Variants in RANBP2 observed in about 807,000 individuals in gnomAD.
RANBP2 encodes RAN binding protein 2.
RANBP2 carries 57 observed loss-of-function variants against 303.6 expected under a neutral mutation model. The ratio of observed to expected loss-of-function variants is 0.19; its 90% CI spans 0.15 to 0.23. The LOEUF is 0.23. Among genes scored for constraint, RANBP2 ranks in the 10% least tolerant of loss-of-function variants. RANBP2 has a pLI of 1.00. For missense variants in RANBP2, 3,138 were observed against 3,780.8 expected (o/e 0.83, Z 4.46); for synonymous variants, 1,167 against 1,301.5 (o/e 0.90, Z 2.23).
At chr2:109,108,249 T>A in the RANBP2 span, among the ~76,000 whole-genome samples, 1 of 151,678 alleles carries the variant, frequency 6.6e-6, no homozygotes, top group Non-Finnish European at 1.5e-5. Context: ...CCATGTTGGC[T>A]AGGATGGTTT....
chr2:109,564,263 T>C, the RANBP2 span: 7 of 1,061,720 alleles, frequency 6.6e-6, no homozygotes, highest in Non-Finnish European at 8.9e-6. Context: ...ATCATGGTTT[T>C]GGGAGATTCT....
the RANBP2 span, among the ~76,000 whole-genome samples, chr2:109,249,431 C>T: frequency 6.6e-6 from 1 of 152,106 alleles, no homozygotes; most frequent in Non-Finnish European, 1.5e-5. Context: ...AGGAACCCTT[C>T]CCTCCTGCAC....
At chr2:109,477,453 A>T in the RANBP2 span, among the ~76,000 whole-genome samples, 1 of 152,354 alleles carries the variant, frequency 6.6e-6, no homozygotes, top group East Asian at 1.9e-4. Context: ...AAACGGGCAT[A>T]GAGTTCTCCC....
the RANBP2 span, among the ~76,000 whole-genome samples, chr2:109,570,603 C>T: frequency 6.6e-6 from 1 of 151,562 alleles, no homozygotes; most frequent in East Asian, 1.9e-4. Context: ...TGGCTCACTG[C>T]AACCTCCGCC....
chr2:108,967,502 C>A, the RANBP2 span, among the ~76,000 whole-genome samples: 2 of 152,190 alleles, frequency 1.3e-5, no homozygotes, highest in South Asian at 4.1e-4. Flanking sequence ...GTCTTTTTAT[C>A]CTTTTTTTAT....
the RANBP2 span, among the ~76,000 whole-genome samples, chr2:108,877,917 T>C: frequency 6.6e-6 from 1 of 152,196 alleles, no homozygotes. Flanking sequence ...ACTAGCCTTA[T>C]AGAATGCTGG....
the RANBP2 span, among the ~76,000 whole-genome samples, chr2:109,553,404 C>G: frequency 6.6e-6 from 1 of 151,050 alleles, no homozygotes; most frequent in Non-Finnish European, 1.5e-5. Context: ...ATTAGCTGGG[C>G]ATGATAGCAG....
chr2:109,195,429 T>C, the RANBP2 span, among the ~76,000 whole-genome samples: 1 of 152,360 alleles, frequency 6.6e-6, no homozygotes, highest in East Asian at 1.9e-4. Flanking sequence ...CGTCTGCCAC[T>C]CATGCCTGAG....
At chr2:109,289,183 A>G in the RANBP2 span, among the ~76,000 whole-genome samples, 1 of 152,196 alleles carries the variant, frequency 6.6e-6, no homozygotes, top group African/African-American at 2.4e-5. Context: ...CTCTCTGCAG[A>G]AAAAGCCCCT....
chr2:109,064,421 A>T, the RANBP2 span, among the ~76,000 whole-genome samples: 1 of 123,824 alleles, frequency 8.1e-6, no homozygotes, highest in African/African-American at 3.1e-5. Context: ...ACGCCACTCC[A>T]CTCCAGCCTG....
Position 108,764,970 on chromosome 2 carries a change from T to A in RANBP2, c.4431T>A (p.Ser1477=). 1 of 1,614,098 alleles carries A rather than the reference T, an allele frequency of 6.2e-7. No homozygotes were observed. Among genetic ancestry groups the A allele is most frequent in the Non-Finnish European group, 8.5e-7 (1 of 1,179,978 alleles). ...ACAGTGATTTCAGATCTGTTTTTTC[T>A]ACAAAGGAAGGACAGTGGGATTGCA... ...PINSDFRSVF[S]TKEGQWDCSA... The change falls in exon 20 of 29, where the codon TCT becomes TCA. Residue 1477 remains serine, a synonymous_variant. Coordinates refer to ENST00000283195, the MANE Select transcript of RANBP2 (RefSeq NM_006267.5).
the RANBP2 span, among the ~76,000 whole-genome samples, chr2:109,625,591 G>C: frequency 6.6e-6 from 1 of 151,822 alleles, no homozygotes; most frequent in Non-Finnish European, 1.5e-5. Context: ...GCTTGAACTC[G>C]GGAGGTGGAG....
the RANBP2 span, among the ~76,000 whole-genome samples, chr2:108,866,822 G>T: frequency 6.6e-6 from 1 of 151,908 alleles, no homozygotes; most frequent in Non-Finnish European, 1.5e-5. Flanking sequence ...GGTGGAGTTT[G>T]CAGTGAGCCG....
At chr2:109,589,221 C>CA in the RANBP2 span, among the ~76,000 whole-genome samples, 1 of 152,088 alleles carries the variant, frequency 6.6e-6, no homozygotes, top group Admixed American at 6.6e-5. Flanking sequence ...TGGCACACCG[C>CA]AACCTCCACC....
intron 8 of RANBP2, among the ~76,000 whole-genome samples, chr2:108,748,674 T>G (rs1188081661): frequency 1.3e-5 from 2 of 152,180 alleles, no homozygotes; most frequent in Non-Finnish European, 2.9e-5. Context: ...GTTTGGCATT[T>G]TTCATACACA....
At chr2:108,904,724 A>G in the RANBP2 span, among the ~76,000 whole-genome samples, 1 of 152,184 alleles carries the variant, frequency 6.6e-6, no homozygotes, top group African/African-American at 2.4e-5. Context: ...ACGGTTACAT[A>G]CCTTGTGATT....
At chr2:109,376,815 G>A in the RANBP2 span, among the ~76,000 whole-genome samples, 1 of 152,240 alleles carries the variant, frequency 6.6e-6, no homozygotes, top group Non-Finnish European at 1.5e-5. Flanking sequence ...CTTAGAGACA[G>A]CCAGCATCTC....
the RANBP2 span, among the ~76,000 whole-genome samples, chr2:109,029,992 A>AT: frequency 1.3e-5 from 2 of 152,196 alleles, no homozygotes; most frequent in Non-Finnish European, 2.9e-5. Context: ...TGATTCATTC[A>AT]TTCAGTAAGC....
chr2:109,136,148 G>A, the RANBP2 span, among the ~76,000 whole-genome samples: 1 of 152,028 alleles, frequency 6.6e-6, no homozygotes, highest in Non-Finnish European at 1.5e-5. Context: ...TTTTGCAATT[G>A]TTTCTAGTGT....
Sources: gnomAD v4.1 joint callset for allele counts (sites outside exome capture counted in the v4.1 genomes callset) on GRCh38, gnomAD v4.1.1 for gene constraint, MANE v1.5 for transcripts, NCBI Gene and HGNC (gene_info 2026-07-23, HGNC 2026-07-21) for gene names.